MAF: variants seen among roughly 807,000 people sequenced by gnomAD.
The protein encoded by MAF is transcription factor Maf.
In MAF, 10 loss-of-function variants were observed where a neutral mutation model predicts 22.0. That is an observed-to-expected ratio of 0.45 (90% CI 0.28 to 0.77). The LOEUF is 0.77. Ranked by LOEUF, MAF falls within the 30% of genes least tolerant of loss-of-function variation. The pLI, the probability that MAF is intolerant of heterozygous loss-of-function variation, is 0.12. For missense variants in MAF, 544 were observed against 548.4 expected, an observed-to-expected ratio of 0.99 and a Z score of 0.08; for synonymous variants, 337 against 255.8, an observed-to-expected ratio of 1.32 and a Z score of -3.03.
At chr16:79,413,961 T>A in the MAF span, among the ~76,000 whole-genome samples, 1 of 152,172 alleles carries the variant, frequency 6.6e-6, no homozygotes, top group Non-Finnish European at 1.5e-5. Flanking sequence ...CCAACACACC[T>A]GAGTTCAGAT....
At chr16:79,480,774 G>A in the MAF span, among the ~76,000 whole-genome samples, 2 of 152,178 alleles carry the variant, frequency 1.3e-5, no homozygotes, top group African/African-American at 2.4e-5. Context: ...GAAGGTGAGT[G>A]TAGAATAGAT....
At chr16:79,567,323 A>G in the MAF span, among the ~76,000 whole-genome samples, 1 of 151,836 alleles carries the variant, frequency 6.6e-6, no homozygotes, top group Admixed American at 6.6e-5. Flanking sequence ...CACCTCAGAA[A>G]AAAAAAAATG....
the MAF span, among the ~76,000 whole-genome samples, chr16:79,524,092 C>T: frequency 6.6e-6 from 1 of 152,164 alleles, no homozygotes; most frequent in African/African-American, 2.4e-5. Flanking sequence ...ATTTGAGGAG[C>T]TTTTGAAGGG....
the MAF span, among the ~76,000 whole-genome samples, chr16:79,323,671 C>A: frequency 6.6e-6 from 1 of 152,152 alleles, no homozygotes; most frequent in Non-Finnish European, 1.5e-5. Flanking sequence ...GCTGAGGGCT[C>A]TGAAGAGACC....
At chr16:79,275,674 C>T in the MAF span, among the ~76,000 whole-genome samples, 2 of 152,096 alleles carry the variant, frequency 1.3e-5, no homozygotes, top group Admixed American at 1.3e-4. Flanking sequence ...ATACATGCTG[C>T]TTTTTTTATT....
the MAF span, among the ~76,000 whole-genome samples, chr16:79,428,550 A>G: frequency 6.6e-6 from 1 of 152,100 alleles, no homozygotes; most frequent in Non-Finnish European, 1.5e-5. Context: ...CCTAAAGGTC[A>G]TGGGAGGGAC....
At chr16:79,560,837 C>T in the MAF span, among the ~76,000 whole-genome samples, 3 of 152,194 alleles carry the variant, frequency 2.0e-5, no homozygotes, top group Admixed American at 2.0e-4. Context: ...GTGAAGGACG[C>T]CCTTCAGTGA....
chr16:79,536,552 G>C, the MAF span, among the ~76,000 whole-genome samples: 2 of 152,152 alleles, frequency 1.3e-5, no homozygotes, highest in Admixed American at 1.3e-4. Context: ...TGAGGCAGGA[G>C]AATCGCTTGA....
the MAF span, among the ~76,000 whole-genome samples, chr16:79,294,791 T>C: frequency 3.9e-5 from 6 of 152,182 alleles, no homozygotes; most frequent in African/African-American, 1.4e-4. Flanking sequence ...CTATCCAGCA[T>C]TGAGCAACCT....
At position 79,594,975 on chromosome 16, in the gene MAF, G is replaced by C. The variant is rs543979548; in HGVS notation, c.1119-422C>G. On this transcript the variant is annotated intron_variant, in intron 1 of 1. Coordinates refer to ENST00000326043, the MANE Select transcript of MAF (RefSeq NM_005360.5). ...TTTCCTTCCAATCCAGGCCTCATTT[G>C]TCATGAGATAACTGCAATAACTACA... is the stretch of plus-strand genomic sequence containing the variant. 162 of 1,085,644 alleles carry C rather than the reference G, an allele frequency of 1.5e-4. 2 individuals carry two copies. In the Middle Eastern group the frequency reaches 4.2e-3, roughly 28 times the overall value. The allele number at this position is 1,085,644 out of a possible 1,614,324, so 67.3% of individuals were successfully genotyped here. A position where few individuals can be genotyped will look rare whatever the true frequency, so the allele number is the denominator to read the frequency against.
At chr16:79,390,636 C>A in the MAF span, among the ~76,000 whole-genome samples, 1 of 152,272 alleles carries the variant, frequency 6.6e-6, no homozygotes, top group East Asian at 1.9e-4. Context: ...TGTGCATTTA[C>A]CACTCTGGAT....
At chr16:79,522,397 C>A in the MAF span, among the ~76,000 whole-genome samples, 1 of 152,202 alleles carries the variant, frequency 6.6e-6, no homozygotes, top group African/African-American at 2.4e-5. Context: ...GCCCCACCAC[C>A]CCCAACAGAG....
At chr16:79,229,091 C>T in the MAF span, among the ~76,000 whole-genome samples, 1 of 151,860 alleles carries the variant, frequency 6.6e-6, no homozygotes, top group East Asian at 1.9e-4. Context: ...GCTGTGTGAT[C>T]CTGGCAAATC....
chr16:79,326,513 G>A, the MAF span, among the ~76,000 whole-genome samples: 3 of 152,148 alleles, frequency 2.0e-5, no homozygotes, highest in South Asian at 6.2e-4. Context: ...TTCAACAGAC[G>A]TGAGCACGAC....
chr16:79,505,002 G>A, the MAF span, among the ~76,000 whole-genome samples: 7 of 152,278 alleles, frequency 4.6e-5, no homozygotes, highest in African/African-American at 1.4e-4. Context: ...GCCCTCATCT[G>A]CAAGTATTTA....
chr16:79,253,379 G>C, the MAF span, among the ~76,000 whole-genome samples: 16 of 152,260 alleles, frequency 1.1e-4, no homozygotes, highest in Non-Finnish European at 2.1e-4. Context: ...GCTTTTTCCA[G>C]AGATATGAGC....
At chr16:79,597,461 C>G in intron 1 of MAF, 2 of 1,027,314 alleles carry the variant, frequency 1.9e-6, no homozygotes, top group Non-Finnish European at 2.3e-6. Context: ...ATTTTAGTCC[C>G]CAAAGTGGGG....
At chr16:79,391,676 C>T in the MAF span, among the ~76,000 whole-genome samples, 4 of 152,128 alleles carry the variant, frequency 2.6e-5, no homozygotes, top group African/African-American at 9.7e-5. Context: ...AGGTGGGCAT[C>T]CGCCTCCAGG....
chr16:79,497,187 A>G, the MAF span, among the ~76,000 whole-genome samples: 8 of 152,230 alleles, frequency 5.3e-5, no homozygotes, highest in Admixed American at 3.9e-4. Context: ...AGAAATTTGC[A>G]AAGGATTAAT....
Sources: allele counts gnomAD v4.1 joint callset (sites outside exome capture counted in the v4.1 genomes callset), GRCh38; gene constraint gnomAD v4.1.1; transcripts MANE v1.5; gene names NCBI Gene and HGNC (gene_info 2026-07-23, HGNC 2026-07-21).